Variants in MEMO1 observed in about 807,000 individuals in gnomAD.
MEMO1 encodes mediator of cell motility 1, also known as protein MEMO1.
In MEMO1, 6 loss-of-function variants were observed where a neutral mutation model predicts 45.2. That is an observed-to-expected ratio of 0.13 (90% CI 0.07 to 0.26). The LOEUF is 0.26. MEMO1 is among the 10% of genes least tolerant of loss of function. The pLI, the probability that MEMO1 is intolerant of heterozygous loss-of-function variation, is 1.00. For missense variants in MEMO1, 184 were observed against 370.5 expected (o/e 0.50, Z 4.13); for synonymous variants, 78 against 124.3 (o/e 0.63, Z 2.48).
intron 3 of MEMO1, among the ~76,000 whole-genome samples, chr2:31,933,309 C>A: frequency 1.2e-5 from 1 of 86,738 alleles, no homozygotes; most frequent in Non-Finnish European, 2.1e-5. Flanking sequence ...AGCGAGATAC[C>A]ACCTCTTTAA....
chr2:31,979,395 T>C (rs1169303440), intron 2 of MEMO1, among the ~76,000 whole-genome samples: 2 of 152,222 alleles, frequency 1.3e-5, no homozygotes, highest in Non-Finnish European at 2.9e-5. Context: ...CTATCCCTAA[T>C]GTTCATTTTA....
chr2:31,921,154 T>C (rs1682265171), intron 4 of MEMO1, among the ~76,000 whole-genome samples: 1 of 152,128 alleles, frequency 6.6e-6, no homozygotes, highest in Non-Finnish European at 1.5e-5. Flanking sequence ...ATGAGGCCAT[T>C]AGAGTGGGGA....
At chr2:31,939,237 TTA>T (rs1454928606) in intron 3 of MEMO1, among the ~76,000 whole-genome samples, 4 of 152,172 alleles carry the variant, frequency 2.6e-5, no homozygotes, top group Non-Finnish European at 1.5e-5. Flanking sequence ...GAATGCACAT[TTA>T]TATATGTTTA....
intron 2 of MEMO1, among the ~76,000 whole-genome samples, chr2:31,973,173 G>C (rs188355591): frequency 6.6e-6 from 1 of 152,286 alleles, no homozygotes; most frequent in Non-Finnish European, 1.5e-5. Context: ...TTAAAAACAG[G>C]CTGGGCACAG....
At chr2:31,921,523 C>T (rs6721692) in intron 4 of MEMO1, among the ~76,000 whole-genome samples, 19,796 of 152,022 alleles carry the variant, frequency 0.13, 1,455 homozygotes, top group Middle Eastern at 0.2. Flanking sequence ...AATCTCTATA[C>T]TCTCAATGAC....
At chr2:31,929,153 G>T (rs1168546767) in intron 4 of MEMO1, among the ~76,000 whole-genome samples, 1 of 151,740 alleles carries the variant, frequency 6.6e-6, no homozygotes, top group East Asian at 1.9e-4. Context: ...ATTTAAATTG[G>T]TACCTCACTA....
chr2:31,978,134 C>T (rs1292139977), intron 2 of MEMO1, among the ~76,000 whole-genome samples: 1 of 152,080 alleles, frequency 6.6e-6, no homozygotes, highest in African/African-American at 2.4e-5. Flanking sequence ...CACCTGTAAT[C>T]CCAGCACTGT....
At chr2:31,886,798 T>G (rs1278530286) in intron 7 of MEMO1, among the ~76,000 whole-genome samples, 2 of 152,144 alleles carry the variant, frequency 1.3e-5, no homozygotes, top group African/African-American at 4.8e-5. Flanking sequence ...CTGAAACTTA[T>G]CCTTTCAGAA....
chr2:31,990,758 T>C (rs57407808), intron 2 of MEMO1, among the ~76,000 whole-genome samples: 1 of 152,064 alleles, frequency 6.6e-6, no homozygotes, highest in African/African-American at 2.4e-5. Flanking sequence ...ATTTGATATC[T>C]AGTGATATAC....
intron 9 of MEMO1, among the ~76,000 whole-genome samples, chr2:31,869,646 G>C (rs953523440): frequency 1.3e-5 from 2 of 151,984 alleles, no homozygotes; most frequent in Non-Finnish European, 2.9e-5. Flanking sequence ...GTATTTAACA[G>C]AAAGTATTGA....
chr2:31,968,241 A>G (rs137917463), intron 2 of MEMO1, among the ~76,000 whole-genome samples: 384 of 152,348 alleles, frequency 2.5e-3, no homozygotes, highest in Admixed American at 4.4e-3. Context: ...TCATCTATAA[A>G]AAAAGGAATG....
At chr2:31,949,855 G>T (rs1666631595) in intron 2 of MEMO1, among the ~76,000 whole-genome samples, 1 of 151,882 alleles carries the variant, frequency 6.6e-6, no homozygotes, top group African/African-American at 2.4e-5. Flanking sequence ...ATTTCATATT[G>T]CATGCCTGTA....
At chr2:31,986,258 G>A (rs577394357) in intron 2 of MEMO1, among the ~76,000 whole-genome samples, 2 of 152,210 alleles carry the variant, frequency 1.3e-5, no homozygotes, top group South Asian at 2.1e-4. Context: ...AATTAGCCGG[G>A]CGTGGTGGCA....
chr2:31,951,525 T>C (rs1666847431), intron 2 of MEMO1, among the ~76,000 whole-genome samples: 1 of 151,946 alleles, frequency 6.6e-6, no homozygotes, highest in Non-Finnish European at 1.5e-5. Flanking sequence ...TGGTTTTTTT[T>C]TTTTTTTATC....
intron 5 of MEMO1, 55 bp downstream of exon 5, chr2:31,920,743 G>T: frequency 1.0e-6 from 1 of 974,418 alleles, no homozygotes; most frequent in Non-Finnish European, 1.5e-6. Flanking sequence ...TAATTTACAA[G>T]TCCTGTTAAA....
chr2:31,874,753 G>T (rs767387292), intron 8 of MEMO1, among the ~76,000 whole-genome samples: 1 of 151,718 alleles, frequency 6.6e-6, no homozygotes, highest in African/African-American at 2.4e-5. Flanking sequence ...AGTACATTTT[G>T]TCTGAAAAGA....
chr2:31,960,030 T>A (rs1667828889), intron 2 of MEMO1, among the ~76,000 whole-genome samples: 1 of 152,104 alleles, frequency 6.6e-6, no homozygotes, highest in Non-Finnish European at 1.5e-5. Context: ...AAGACCAGCC[T>A]GGCTAAAAGT....
intron 4 of MEMO1, among the ~76,000 whole-genome samples, chr2:31,924,314 T>A (rs935335877): frequency 6.6e-6 from 1 of 152,120 alleles, no homozygotes; most frequent in Non-Finnish European, 1.5e-5. Flanking sequence ...GCCACAGGGA[T>A]ATTTTGAAGA....
intron 6 of MEMO1, among the ~76,000 whole-genome samples, chr2:31,902,034 G>A (rs940186856): frequency 2.0e-5 from 3 of 152,142 alleles, no homozygotes; most frequent in Admixed American, 2.0e-4. Flanking sequence ...AGCTACTCGG[G>A]AAGCTGAGGT....
Sources: allele counts gnomAD v4.1 joint callset (sites outside exome capture counted in the v4.1 genomes callset), GRCh38; gene constraint gnomAD v4.1.1; transcripts MANE v1.5; gene names NCBI Gene and HGNC (gene_info 2026-07-23, HGNC 2026-07-21).